The following PCDHA1 variants were observed in gnomAD, a reference collection of about 807,000 sequenced individuals.
PCDHA1 encodes the protein protocadherin alpha-1.
In PCDHA1, 42 loss-of-function variants were observed where a neutral mutation model predicts 61.3. That is an observed-to-expected ratio of 0.69 (90% CI 0.54 to 0.89). The LOEUF (loss-of-function observed/expected upper bound fraction) is 0.89, where lower values mean the gene tolerates loss of function less well. Among genes scored for constraint, PCDHA1 ranks in the 40% least tolerant of loss-of-function variants. The probability of loss-of-function intolerance (pLI) is 0.00; values close to 1 mark genes in which losing one functional copy is unlikely to be tolerated. For missense variants in PCDHA1, 1,256 were observed against 1,235.3 expected (o/e 1.02, Z -0.25); for synonymous variants, 610 against 553.8 (o/e 1.10, Z -1.43).
intron 1 of PCDHA1, chr5:140,801,814 C>T (rs1163331311): frequency 6.2e-7 from 1 of 1,614,122 alleles, no homozygotes; most frequent in African/African-American, 1.3e-5. Context: ...GAGGACACTC[C>T]TAAGCATTAT....
intron 1 of PCDHA1, chr5:140,834,307 G>C: frequency 7.5e-7 from 1 of 1,341,606 alleles, no homozygotes; most frequent in South Asian, 1.4e-5. Flanking sequence ...CATCGAGATT[G>C]AAATGAAGGG....
chr5:140,808,189 T>C (rs1764117121), intron 1 of PCDHA1: 3 of 1,614,240 alleles, frequency 1.9e-6, no homozygotes, highest in Non-Finnish European at 2.5e-6. Context: ...CTGGCCATTG[T>C]AGAGTTATTG....
At position 140,788,670 on chromosome 5, in the gene PCDHA1, G is replaced by C. The variant is rs1332112190; in HGVS notation, c.2380G>C (p.Asp794His). Reference sequence around the variant, plus strand: ...AAATGAACAACCAGAAGCAAATTTGGATCTTTCTGGTAATGTAAGTCCAAC... The same window carrying C: ...AAATGAACAACCAGAAGCAAATTTGCATCTTTCTGGTAATGTAAGTCCAAC... The part of the protein sequence containing the change: ...ERNEQPEANL[D>H]LSGNPRQPNP... Residue 794 changes from aspartate (D) to histidine (H), a missense_variant, in exon 1 of 4, where the codon GAT becomes CAT. Physicochemically the swap from Asp to His is moderately conservative, Grantham distance 81. Transcript: ENST00000504120. The C allele has an allele frequency of 2.1e-5, 33 of 1,566,096 alleles. No homozygotes were observed. Among genetic ancestry groups the C allele is most frequent in the Non-Finnish European group, 2.8e-5 (32 of 1,154,958 alleles).
In PCDHA1 at chr5:140,900,299, G is replaced by T. The variant is rs1042472528; in HGVS notation, c.2395-78650G>T. ...CCACACTTTCTTTTCTGTTTTTTTA[G>T]ACAGTCTCACTTTTGTCGCCCAGGC... On this transcript the variant is annotated intron_variant, in intron 1 of 3. Coordinates refer to ENST00000504120, the MANE Select transcript of PCDHA1 (RefSeq NM_018900.4). 2.0e-5 allele frequency among the ~76,000 whole-genome samples: 3 copies of T among 151,604 alleles called. No homozygotes were observed. The East Asian group carries it at 5.8e-4, about 29-fold the overall frequency.
chr5:140,915,283 C>T (rs1395177735), intron 1 of PCDHA1, among the ~76,000 whole-genome samples: 1 of 152,068 alleles, frequency 6.6e-6, no homozygotes, highest in African/African-American at 2.4e-5. Context: ...ATCATTTACT[C>T]TTTCTACTTA....
At chr5:140,898,703 G>A (rs2066931625) in intron 1 of PCDHA1, among the ~76,000 whole-genome samples, 1 of 152,068 alleles carries the variant, frequency 6.6e-6, no homozygotes, top group Non-Finnish European at 1.5e-5. Context: ...GAACTTTAAA[G>A]TAGTTTTTTC....
At chr5:140,967,921 C>A (rs781932025) in intron 1 of PCDHA1, 3 of 1,614,172 alleles carry the variant, frequency 1.9e-6, no homozygotes, top group Middle Eastern at 3.3e-4. Context: ...CCATTGTGGC[C>A]GTTCTCAGTG....
chr5:140,835,503 G>C (rs1554135018), intron 1 of PCDHA1: 1 of 1,613,792 alleles, frequency 6.2e-7, no homozygotes, highest in East Asian at 2.2e-5. Flanking sequence ...ATTGATTAGC[G>C]TGTTTGACCG....
intron 1 of PCDHA1, chr5:140,814,733 T>C (rs1765577214): frequency 6.6e-6 from 1 of 152,206 alleles, no homozygotes; most frequent in African/African-American, 2.4e-5. Flanking sequence ...TTCAGCTCCA[T>C]TATAATCTTA....
chr5:141,007,311 G>T (rs1268953957), intron 3 of PCDHA1, among the ~76,000 whole-genome samples: 1 of 151,596 alleles, frequency 6.6e-6, no homozygotes, highest in Non-Finnish European at 1.5e-5. Context: ...AGCATTTTGG[G>T]AGGCTAAAGT....
intron 1 of PCDHA1, chr5:140,969,505 A>G (rs973647679): frequency 1.4e-6 from 2 of 1,428,552 alleles, no homozygotes; most frequent in South Asian, 3.0e-5. Context: ...CTAGAAAAAT[A>G]GCACTAAAGA....
intron 1 of PCDHA1, chr5:140,877,837 G>A (rs1313925880): frequency 6.3e-7 from 1 of 1,585,240 alleles, no homozygotes; most frequent in African/African-American, 1.4e-5. Context: ...TCCTCCCAGT[G>A]AAGTAAGTTA....
chr5:140,847,661 T>C (rs1781128482), intron 1 of PCDHA1: 1 of 149,742 alleles, frequency 6.7e-6, no homozygotes, highest in Non-Finnish European at 1.5e-5. Flanking sequence ...TCATAGATTA[T>C]AAAGCTTGGA....
chr5:140,834,178 C>T (rs1772830464), intron 1 of PCDHA1: 2 of 557,246 alleles, frequency 3.6e-6, no homozygotes, highest in Admixed American at 3.3e-5. Flanking sequence ...ACATGATGGC[C>T]ACATGATGTC....
intron 1 of PCDHA1, chr5:140,860,225 A>ATATATAT (rs2046281831): frequency 6.6e-6 from 1 of 151,528 alleles, no homozygotes. Context: ...ATGTATATAT[A>ATATATAT]AGCCAGGCAT....
chr5:140,869,424 G>T (rs2051119407), intron 1 of PCDHA1: 18 of 1,614,216 alleles, frequency 1.1e-5, no homozygotes, highest in Non-Finnish European at 1.5e-5. Context: ...TCCACCTGGA[G>T]GTGATCGTGG....
intron 1 of PCDHA1, among the ~76,000 whole-genome samples, chr5:140,972,656 C>T (rs1428322208): frequency 6.9e-6 from 1 of 144,688 alleles, no homozygotes; most frequent in Non-Finnish European, 1.5e-5. Context: ...TAAAAAGAAA[C>T]CAAATTTTTT....
chr5:140,823,715 TG>T, intron 1 of PCDHA1: 2 of 1,613,918 alleles, frequency 1.2e-6, no homozygotes, highest in Non-Finnish European at 1.7e-6. Flanking sequence ...CACCGCCTTC[TG>T]GTGCTGGTGA....
At position 140,947,043 on chromosome 5, in the gene PCDHA1, G is replaced by T. The variant is rs188994500; in HGVS notation, c.2395-31906G>T. Among the ~76,000 whole-genome samples the T allele has an allele frequency of 1.7e-3, 259 of 151,702 alleles. 2 individuals carry two copies. Among genetic ancestry groups the T allele is most frequent in the African/African-American group, 5.9e-3 (243 of 41,466 alleles). On this transcript the variant is annotated intron_variant, in intron 1 of 3. Transcript: ENST00000504120. ...AGGTAATGGATATACTAATTACCCT[G>T]ATTTGATCATTACACAGTGTATATA... is the stretch of plus-strand genomic sequence containing the variant.
Sources: allele counts gnomAD v4.1 joint callset (sites outside exome capture counted in the v4.1 genomes callset), GRCh38; gene constraint gnomAD v4.1.1; transcripts MANE v1.5; gene names NCBI Gene and HGNC (gene_info 2026-07-23, HGNC 2026-07-21).